The following COX7B2 variants were observed in gnomAD, a reference collection of about 807,000 sequenced individuals.
COX7B2 encodes the protein cytochrome c oxidase subunit 7B2, mitochondrial.
For missense variants in COX7B2, 109 were observed against 95.9 expected (o/e 1.14, Z -0.57); for synonymous variants, 37 against 32.1 (o/e 1.15, Z -0.51).
At chr4:46,906,345 T>C (rs1377464793) in intron 1 of COX7B2, among the ~76,000 whole-genome samples, 1 of 152,238 alleles carries the variant, frequency 6.6e-6, no homozygotes, top group African/African-American at 2.4e-5. Context: ...CTTTTCCATG[T>C]GCTCCTGTCT....
intron 1 of COX7B2, among the ~76,000 whole-genome samples, chr4:46,907,146 A>T (rs1208012620): frequency 6.6e-6 from 1 of 152,096 alleles, no homozygotes; most frequent in African/African-American, 2.4e-5. Flanking sequence ...CCTTATCTCA[A>T]TCAAGTAACA....
intron 1 of COX7B2, among the ~76,000 whole-genome samples, chr4:46,905,814 CT>C (rs761904309): frequency 2.7e-4 from 19 of 71,686 alleles, no homozygotes; most frequent in Admixed American, 1.9e-3. Flanking sequence ...GCATATATTT[CT>C]TTTTTTTTTT....
At chr4:46,837,541 G>T (rs1326830348) in intron 2 of COX7B2, among the ~76,000 whole-genome samples, 1 of 151,982 alleles carries the variant, frequency 6.6e-6, no homozygotes, top group African/African-American at 2.4e-5. Flanking sequence ...TACTGCTTAA[G>T]GGGTTTACAG....
rs189365641 is a variant in COX7B2, at chr4:46,814,697, T to C, written c.-50+30263A>G. The stretch of plus-strand genomic sequence containing the variant: ...GATTTTAATTAATTATACTGCAGGA[T>C]TGATCACTTTTTACGTCAATGTATC... On this transcript the variant is annotated intron_variant, in intron 2 of 2. Transcript: ENST00000355591. Among the ~76,000 whole-genome samples the C allele has an allele frequency of 1.7e-3, 260 of 152,312 alleles. 2 individuals are homozygous for C. The Middle Eastern group carries it at 0.024, about 14-fold the overall frequency.
intron 2 of COX7B2, among the ~76,000 whole-genome samples, chr4:46,839,560 C>T (rs913501779): frequency 1.3e-5 from 2 of 151,980 alleles, no homozygotes; most frequent in South Asian, 2.1e-4. Flanking sequence ...AGGAATTAGT[C>T]CTGTCCAGGC....
intron 2 of COX7B2, among the ~76,000 whole-genome samples, chr4:46,829,354 G>A (rs1255868400): frequency 6.6e-6 from 1 of 151,984 alleles, no homozygotes; most frequent in African/African-American, 2.4e-5. Context: ...AACACATTGA[G>A]GATCTATTTT....
At chr4:46,740,223 T>C (rs573574945) in intron 2 of COX7B2, among the ~76,000 whole-genome samples, 1 of 152,132 alleles carries the variant, frequency 6.6e-6, no homozygotes, top group African/African-American at 2.4e-5. Context: ...ATTAGAAGAA[T>C]TGAGTCATAC....
chr4:46,843,093 T>C (rs967710761), intron 2 of COX7B2, among the ~76,000 whole-genome samples: 22 of 152,168 alleles, frequency 1.4e-4, no homozygotes, highest in Admixed American at 1.4e-3. Flanking sequence ...TGATCACCAT[T>C]CTAACTGGTG....
intron 2 of COX7B2, among the ~76,000 whole-genome samples, chr4:46,743,452 T>G (rs960680604): frequency 6.6e-6 from 1 of 152,342 alleles, no homozygotes; most frequent in South Asian, 2.1e-4. Context: ...TTAAAAAAAG[T>G]ATATTCCATC....
At chr4:46,832,357 C>T (rs1715199438) in intron 2 of COX7B2, among the ~76,000 whole-genome samples, 1 of 152,084 alleles carries the variant, frequency 6.6e-6, no homozygotes, top group Non-Finnish European at 1.5e-5. Context: ...TAACACCCAC[C>T]CCGAGGGTAC....
intron 2 of COX7B2, among the ~76,000 whole-genome samples, chr4:46,781,495 T>C (rs757807954): frequency 5.3e-5 from 8 of 152,342 alleles, no homozygotes; most frequent in Middle Eastern, 3.4e-3. Context: ...AATCCTTTCC[T>C]ACACATACTG....
At chr4:46,780,213 G>A (rs1055413625) in intron 2 of COX7B2, among the ~76,000 whole-genome samples, 1 of 152,080 alleles carries the variant, frequency 6.6e-6, no homozygotes, top group African/African-American at 2.4e-5. Flanking sequence ...TAAAGCTCTT[G>A]CTCAAAGTCT....
intron 1 of COX7B2, among the ~76,000 whole-genome samples, chr4:46,895,294 A>G (rs1459516718): frequency 6.6e-6 from 1 of 152,240 alleles, no homozygotes; most frequent in Non-Finnish European, 1.5e-5. Context: ...ACACCACAGA[A>G]TACTACGGAG....
intron 1 of COX7B2, among the ~76,000 whole-genome samples, chr4:46,904,388 A>G (rs371663429): frequency 3.3e-5 from 5 of 152,182 alleles, no homozygotes; most frequent in African/African-American, 1.2e-4. Context: ...ATGGTCAAAA[A>G]AAATGAAAAT....
At chr4:46,795,072 T>G (rs974494263) in intron 2 of COX7B2, among the ~76,000 whole-genome samples, 5 of 138,886 alleles carry the variant, frequency 3.6e-5, no homozygotes, top group South Asian at 2.2e-4. Flanking sequence ...TAAATTTGTT[T>G]GAGTTCATTG....
chr4:46,848,366 G>A (rs1716432090), intron 1 of COX7B2, among the ~76,000 whole-genome samples: 1 of 151,906 alleles, frequency 6.6e-6, no homozygotes, highest in East Asian at 1.9e-4. Context: ...AATCTAATGA[G>A]CATTTATTAT....
chr4:46,813,381 A>G (rs1719383903), intron 2 of COX7B2, among the ~76,000 whole-genome samples: 1 of 152,210 alleles, frequency 6.6e-6, no homozygotes, highest in African/African-American at 2.4e-5. Flanking sequence ...ATTGGACTGG[A>G]CAAAGATGTT....
At chr4:46,809,616 A>G (rs1246667987) in intron 2 of COX7B2, among the ~76,000 whole-genome samples, 1 of 151,938 alleles carries the variant, frequency 6.6e-6, no homozygotes, top group East Asian at 1.9e-4. Context: ...TCATACAATT[A>G]GTGTCAGAAA....
At chr4:46,899,884 C>CA (rs1241617737) in intron 1 of COX7B2, among the ~76,000 whole-genome samples, 1 of 151,934 alleles carries the variant, frequency 6.6e-6, no homozygotes, top group Non-Finnish European at 1.5e-5. Context: ...GCACAAATGA[C>CA]AAAAAGTCAT....
Sources: gnomAD v4.1 joint callset for allele counts (sites outside exome capture counted in the v4.1 genomes callset) on GRCh38, gnomAD v4.1.1 for gene constraint, MANE v1.5 for transcripts, NCBI Gene and HGNC (gene_info 2026-07-23, HGNC 2026-07-21) for gene names.